ACO1: variants seen among roughly 807,000 people sequenced by gnomAD.
The protein encoded by ACO1 is cytoplasmic aconitate hydratase.
In ACO1, 78 loss-of-function variants were observed where a neutral mutation model predicts 105.1. The observed-to-expected ratio is 0.74, with a 90% CI of 0.62 to 0.90. The LOEUF (loss-of-function observed/expected upper bound fraction) is 0.90. ACO1 is among the 40% of genes least tolerant of loss of function. The pLI is 0.00. For missense variants in ACO1, 965 were observed against 1,111.1 expected (o/e 0.87, Z 1.87); for synonymous variants, 364 against 397.4 (o/e 0.92, Z 1.00).
At chr9:32,421,911 C>G (rs1821984264) in intron 8 of ACO1, among the ~76,000 whole-genome samples, 1 of 152,172 alleles carries the variant, frequency 6.6e-6, no homozygotes, top group Non-Finnish European at 1.5e-5. Flanking sequence ...CCAAATAAAT[C>G]TTAGTCTTCT....
chr9:32,384,788 C>T (rs935406561), intron 1 of ACO1, 53 bp downstream of exon 1: 3 of 338,024 alleles, frequency 8.9e-6, no homozygotes, highest in South Asian at 2.0e-5. Context: ...GCCGTCCACC[C>T]TGTATCCCTC....
chr9:32,430,353 T>C, intron 13 of ACO1, 65 bp from the exon 14 acceptor site: 1 of 1,493,192 alleles, frequency 6.7e-7, no homozygotes, highest in East Asian at 2.4e-5. Flanking sequence ...CTCTTGCCAA[T>C]GGTCTGAGAC....
Position 32,425,909 on chromosome 9 carries a change from T to A in ACO1, c.1260T>A (p.Thr420=). ...NDHKTFIYDN[T]EFTLAHGSVV... ...ATAAGACCTTTATCTATGATAACAC[T>A]GAATTCACCCTTGCTCATGGTTCTG... The change falls in exon 11 of 21, where the codon ACT becomes ACA. Residue 420 remains threonine (T), a synonymous_variant. Transcript: ENST00000309951. The A allele has an allele frequency of 6.2e-7, 1 of 1,614,056 alleles. No homozygotes were observed.
intron 1 of ACO1, among the ~76,000 whole-genome samples, chr9:32,399,528 C>A (rs1040162283): frequency 3.3e-5 from 5 of 152,088 alleles, no homozygotes; most frequent in African/African-American, 1.2e-4. Flanking sequence ...TCCTTTCACT[C>A]GGCTCTTTTC....
rs368590723 is a variant in ACO1, at chr9:32,450,572, G to C, written c.*461G>C. 32 of 233,738 alleles carry C rather than the reference G, an allele frequency of 1.4e-4. No individual in the cohort carries two copies. The highest frequency in any genetic ancestry group is 7.2e-4 in the East Asian group (6 of 8,362). 14.5% of individuals were successfully genotyped at this position (233,738 alleles called of 1,614,324 possible). ...AATTATACCAGTGTTAAGTGACATA[G>C]ATAAGAACTTTGCACACTTCAAATC... is the stretch of plus-strand genomic sequence containing the variant. On this transcript the variant is annotated 3_prime_UTR_variant, in exon 21 of 21. Transcript: ENST00000309951.
At chr9:32,389,800 C>CTTTTTTTTT (rs71916359) in intron 1 of ACO1, among the ~76,000 whole-genome samples, 1 of 132,488 alleles carries the variant, frequency 7.5e-6, no homozygotes, top group Admixed American at 7.8e-5. Flanking sequence ...TTCCTCTATA[C>CTTTTTTTTT]TTTTTTTTTT....
intron 7 of ACO1, among the ~76,000 whole-genome samples, chr9:32,420,617 G>C (rs1475978571): frequency 6.6e-6 from 1 of 152,164 alleles, no homozygotes; most frequent in Non-Finnish European, 1.5e-5. Flanking sequence ...CTTAACTACA[G>C]ACTTTACCAG....
Sources: allele counts gnomAD v4.1 joint callset (sites outside exome capture counted in the v4.1 genomes callset), GRCh38; gene constraint gnomAD v4.1.1; transcripts MANE v1.5; gene names NCBI Gene and HGNC (gene_info 2026-07-23, HGNC 2026-07-21).